Variants in MADD observed in about 807,000 individuals in gnomAD.
The protein encoded by MADD is MAP kinase-activating death domain protein.
MADD carries 109 observed loss-of-function variants against 176.7 expected under a neutral mutation model. The observed-to-expected ratio is 0.62, with a 90% CI of 0.53 to 0.72. MADD has a LOEUF of 0.72. MADD is among the 30% of genes least tolerant of loss of function. The pLI, the probability that MADD is intolerant of heterozygous loss-of-function variation, is 0.00. For synonymous variants in MADD, 771 were observed against 771.3 expected, an observed-to-expected ratio of 1.00 and a Z score of 0.01; for missense variants, 1,914 against 2,045.5, an observed-to-expected ratio of 0.94 and a Z score of 1.24.
intron 25 of MADD, among the ~76,000 whole-genome samples, chr11:47,310,281 A>C (rs1169559693): frequency 1.3e-5 from 2 of 151,728 alleles, no homozygotes; most frequent in Non-Finnish European, 2.9e-5. Flanking sequence ...TCCCGGGTTC[A>C]AGCAATTCTC....
At chr11:47,296,701 C>T (rs1478849213) in intron 22 of MADD, among the ~76,000 whole-genome samples, 1 of 151,870 alleles carries the variant, frequency 6.6e-6, no homozygotes, top group African/African-American at 2.4e-5. Context: ...CACAGTAAGC[C>T]CATGATCAGC....
At chr11:47,282,886 C>G (rs755965991) in exon 10 of MADD, 1 of 1,614,012 alleles carries the variant, frequency 6.2e-7, no homozygotes, top group Non-Finnish European at 8.5e-7. Flanking sequence ...TCCACTATCG[C>G]GTCTATGACA....
At chr11:47,304,654 G>GT (rs1458532544) in intron 22 of MADD, among the ~76,000 whole-genome samples, 1 of 152,056 alleles carries the variant, frequency 6.6e-6, no homozygotes, top group Non-Finnish European at 1.5e-5. Flanking sequence ...TTCTGATTTT[G>GT]TTGAATCATC....
intron 14 of MADD, among the ~76,000 whole-genome samples, chr11:47,285,891 T>TA (rs1396898274): frequency 1.3e-5 from 2 of 152,236 alleles, no homozygotes; most frequent in Non-Finnish European, 2.9e-5. Context: ...TTTGTGGAAA[T>TA]ACTCTGGTCA....
chr11:47,306,121 C>T (rs1422486440), intron 22 of MADD, among the ~76,000 whole-genome samples: 1 of 152,172 alleles, frequency 6.6e-6, no homozygotes, highest in East Asian at 1.9e-4. Flanking sequence ...CCTGACTGCT[C>T]TGAGCAGTCT....
At chr11:47,287,812 CAA>C (rs1463416409) in intron 15 of MADD, among the ~76,000 whole-genome samples, 197 of 95,638 alleles carry the variant, frequency 2.1e-3, no homozygotes, top group African/African-American at 8.0e-3. Flanking sequence ...TTTTTTGAGA[CAA>C]GAGTCTCGCT....
intron 12 of MADD, among the ~76,000 whole-genome samples, 156 bp downstream of exon 12, chr11:47,284,721 CT>C (rs1475737148): frequency 6.6e-6 from 1 of 152,162 alleles, no homozygotes; most frequent in African/African-American, 2.4e-5. Context: ...AAGAGACCTA[CT>C]TTTGACCCCA....
rs534045952 is a variant in MADD at position 47,273,641 on chromosome 11, A to G, written c.-88-186A>G. ...GTGAGCCACCATGCCTGGCCTATCTATTTTTTAACATTCGATTCTGTGAGC... is the reference window on the plus strand; with the variant it reads ...GTGAGCCACCATGCCTGGCCTATCTGTTTTTTAACATTCGATTCTGTGAGC... On this transcript the variant is annotated intron_variant, in intron 1 of 32. Transcript: ENST00000402192. Among the ~76,000 whole-genome samples the G allele has an allele frequency of 2.6e-3, 359 of 140,280 alleles. 2 individuals carry two copies. The highest frequency in any genetic ancestry group is 8.6e-3 in the African/African-American group (339 of 39,352). The allele number at this position is 140,280 out of a possible 152,430, so 92.0% of individuals were successfully genotyped here. A position where few individuals can be genotyped will look rare whatever the true frequency, so the allele number is the denominator to read the frequency against.
intron 10 of MADD, among the ~76,000 whole-genome samples, chr11:47,283,261 T>A (rs1362306999): frequency 6.6e-6 from 1 of 151,098 alleles, no homozygotes; most frequent in Non-Finnish European, 1.5e-5. Flanking sequence ...GCCCGGCTAA[T>A]TTTTTGTATT....
chr11:47,328,369 C>T, intron 31 of MADD: 2 of 1,344,528 alleles, frequency 1.5e-6, no homozygotes, highest in South Asian at 1.6e-5. Flanking sequence ...CCCGTCCCTC[C>T]CATCCAGGGC....
At chr11:47,329,278 T>C (rs912964116) in exon 33 of MADD, 227 of 728,422 alleles carry the variant, frequency 3.1e-4, no homozygotes, top group Non-Finnish European at 5.6e-5. Flanking sequence ...CCCCCTGCTG[T>C]GGCTTGGTTG....
intron 13 of MADD, 113 bp downstream of exon 13, chr11:47,285,307 C>T (rs2059830206): frequency 1.9e-6 from 3 of 1,549,500 alleles, no homozygotes; most frequent in Admixed American, 3.5e-5. Flanking sequence ...CGTGGTCCTG[C>T]CATCCCCAGA....
intron 10 of MADD, among the ~76,000 whole-genome samples, chr11:47,283,906 C>T (rs1347811241): frequency 6.6e-6 from 1 of 152,238 alleles, no homozygotes; most frequent in Non-Finnish European, 1.5e-5. Context: ...TGGTGTTTCA[C>T]CATGTTTGCC....
chr11:47,329,152 GGA>G, exon 33 of MADD: 1 of 1,611,316 alleles, frequency 6.2e-7, no homozygotes, highest in Non-Finnish European at 8.5e-7. Context: ...TCTAGCTGAT[GGA>G]GAGGGGCTAC....
exon 11 of MADD, chr11:47,284,204 A>G (rs2059105218): frequency 1.9e-6 from 3 of 1,614,002 alleles, no homozygotes; most frequent in Non-Finnish European, 2.5e-6. Flanking sequence ...GATTATGACG[A>G]TTCAAGCTCT....
chr11:47,329,113 A>G, exon 33 of MADD: 1 of 1,614,128 alleles, frequency 6.2e-7, no homozygotes, highest in Non-Finnish European at 8.5e-7. Context: ...AGCAGTGAGG[A>G]AGATCTCAGA....
At chr11:47,326,957 T>A (rs2095512893) in intron 31 of MADD, 150 bp downstream of exon 35, 3 of 1,429,614 alleles carry the variant, frequency 2.1e-6, no homozygotes, top group South Asian at 1.6e-5. Context: ...AAGGGACCCC[T>A]GAGATGAGAG....
chr11:47,298,289 G>A (rs775056085), intron 22 of MADD, among the ~76,000 whole-genome samples: 9 of 152,228 alleles, frequency 5.9e-5, no homozygotes, highest in Non-Finnish European at 1.0e-4. Flanking sequence ...TCCACCTTGA[G>A]CATCTTCTGA....
intron 22 of MADD, among the ~76,000 whole-genome samples, chr11:47,298,154 A>G (rs76495350): frequency 0.033 from 5,102 of 152,318 alleles, 119 homozygotes; most frequent in South Asian, 0.12. Context: ...TAAATTGGCA[A>G]CGGGGCTAGC....
Sources: allele counts gnomAD v4.1 joint callset (sites outside exome capture counted in the v4.1 genomes callset), GRCh38; gene constraint gnomAD v4.1.1; transcripts MANE v1.5; gene names NCBI Gene and HGNC (gene_info 2026-07-23, HGNC 2026-07-21).